The following MITF variants were observed in gnomAD, a reference collection of about 807,000 sequenced individuals.
MITF encodes the protein melanocyte inducing transcription factor.
Under a neutral mutation model 60.5 loss-of-function variants are expected in MITF, and 17 were observed. That is an observed-to-expected ratio of 0.28 (90% CI 0.19 to 0.42). MITF has a LOEUF of 0.42. Among genes scored for constraint, MITF ranks in the 10% least tolerant of loss-of-function variants. The pLI, the probability that MITF is intolerant of heterozygous loss-of-function variation, is 1.00. For missense variants in MITF, 622 were observed against 683.5 expected, an observed-to-expected ratio of 0.91 and a Z score of 1.00; for synonymous variants, 260 against 248.5, an observed-to-expected ratio of 1.05 and a Z score of -0.43.
chr3:69,910,090 T>C (rs1278697699), intron 2 of MITF, among the ~76,000 whole-genome samples: 1 of 152,158 alleles, frequency 6.6e-6, no homozygotes, highest in African/African-American at 2.4e-5. Flanking sequence ...CCCTGTGCTG[T>C]GTGCAGTCTA....
At chr3:69,791,784 T>A (rs1232917683) in intron 1 of MITF, among the ~76,000 whole-genome samples, 3 of 152,240 alleles carry the variant, frequency 2.0e-5, no homozygotes, top group Non-Finnish European at 4.4e-5. Context: ...TCCCTGTGTG[T>A]GCATTTAAGT....
intron 1 of MITF, among the ~76,000 whole-genome samples, chr3:69,855,489 T>C (rs1255253748): frequency 2.0e-5 from 3 of 152,092 alleles, no homozygotes; most frequent in Non-Finnish European, 4.4e-5. Flanking sequence ...TTTTGACCTC[T>C]GAAATGAAAA....
intron 5 of MITF, among the ~76,000 whole-genome samples, chr3:69,944,088 T>A (rs1361610129): frequency 6.6e-6 from 1 of 152,172 alleles, no homozygotes; most frequent in Admixed American, 6.5e-5. Context: ...AGCAAGACCC[T>A]GTTTTTAGAA....
intron 1 of MITF, among the ~76,000 whole-genome samples, chr3:69,748,236 TTTTC>T (rs1156429169): frequency 1.3e-5 from 2 of 152,134 alleles, no homozygotes; most frequent in Non-Finnish European, 2.9e-5. Context: ...AGAGTGATAA[TTTTC>T]TTTCTTTCTT....
chr3:69,955,086 T>G (rs1450393361), intron 7 of MITF, among the ~76,000 whole-genome samples: 6 of 152,188 alleles, frequency 3.9e-5, no homozygotes, highest in Non-Finnish European at 8.8e-5. Context: ...CTGAGATTTA[T>G]AAAATAGGAA....
chr3:69,913,640 C>G (rs897095670), intron 2 of MITF, among the ~76,000 whole-genome samples: 15 of 152,282 alleles, frequency 9.9e-5, no homozygotes, highest in Non-Finnish European at 1.9e-4. Flanking sequence ...GTGCAGTCTA[C>G]TCTTTTCAGA....
chr3:69,895,962 TC>T (rs1367211358), intron 2 of MITF, among the ~76,000 whole-genome samples: 8 of 151,666 alleles, frequency 5.3e-5, no homozygotes, highest in Non-Finnish European at 1.0e-4. Context: ...ACACCCCCCT[TC>T]CCCTATTTAC....
intron 1 of MITF, among the ~76,000 whole-genome samples, chr3:69,793,031 T>A (rs1176222833): frequency 3.1e-4 from 32 of 102,604 alleles, no homozygotes; most frequent in Non-Finnish European, 4.7e-4. Flanking sequence ...TTTTTTTTTT[T>A]AAACAGGGTC....
At chr3:69,767,282 T>C (rs1371167369) in intron 1 of MITF, among the ~76,000 whole-genome samples, 1 of 152,140 alleles carries the variant, frequency 6.6e-6, no homozygotes, top group African/African-American at 2.4e-5. Flanking sequence ...AGTATGATGC[T>C]AGGTCTGTAA....
chr3:69,796,717 A>T (rs2062837279), intron 1 of MITF, among the ~76,000 whole-genome samples: 2 of 150,234 alleles, frequency 1.3e-5, no homozygotes, highest in East Asian at 2.0e-4. Flanking sequence ...CTTGTTAGCC[A>T]GGATGGTCTC....
intron 1 of MITF, among the ~76,000 whole-genome samples, chr3:69,853,480 A>G (rs191876074): frequency 7.9e-5 from 12 of 152,098 alleles, no homozygotes; most frequent in South Asian, 4.1e-4. Flanking sequence ...TATATCATAC[A>G]TATAGAAAGC....
intron 2 of MITF, chr3:69,936,557 G>T: frequency 6.9e-7 from 1 of 1,458,152 alleles, no homozygotes. Context: ...ATTAGCTTAG[G>T]TTATTATAAG....
At chr3:69,782,299 A>G (rs2062578298) in intron 1 of MITF, among the ~76,000 whole-genome samples, 1 of 152,210 alleles carries the variant, frequency 6.6e-6, no homozygotes. Context: ...TTTGTTTATC[A>G]TCTCTATCAA....
intron 1 of MITF, among the ~76,000 whole-genome samples, chr3:69,769,936 A>C (rs901486902): frequency 1.3e-5 from 2 of 152,214 alleles, no homozygotes; most frequent in African/African-American, 4.8e-5. Flanking sequence ...AGACTAAAAA[A>C]TATTCTTTAT....
At chr3:69,931,043 T>C (rs887693288) in intron 2 of MITF, among the ~76,000 whole-genome samples, 7 of 152,244 alleles carry the variant, frequency 4.6e-5, no homozygotes, top group South Asian at 2.1e-4. Flanking sequence ...AAGAATATTT[T>C]ATGTGATTAT....
intron 2 of MITF, among the ~76,000 whole-genome samples, chr3:69,905,236 T>A (rs2065072104): frequency 6.6e-6 from 1 of 152,196 alleles, no homozygotes; most frequent in African/African-American, 2.4e-5. Context: ...TTTTGTAGTT[T>A]CTTGGGAGAG....
intron 1 of MITF, among the ~76,000 whole-genome samples, chr3:69,783,774 G>C (rs1013091829): frequency 6.6e-6 from 1 of 152,102 alleles, no homozygotes; most frequent in Admixed American, 6.5e-5. Context: ...ACCTGTGTCA[G>C]GGTCACCTGG....
At chr3:69,875,135 A>T (rs2064324223) in intron 1 of MITF, among the ~76,000 whole-genome samples, 1 of 152,212 alleles carries the variant, frequency 6.6e-6, no homozygotes, top group African/African-American at 2.4e-5. Context: ...ATTAAAGCTC[A>T]TGCAGCTCGG....
intron 1 of MITF, among the ~76,000 whole-genome samples, chr3:69,858,507 C>G (rs956917764): frequency 6.6e-6 from 1 of 151,950 alleles, no homozygotes; most frequent in South Asian, 2.1e-4. Context: ...TTTAAATACA[C>G]GACTTCCTGT....
Sources: allele counts gnomAD v4.1 joint callset (sites outside exome capture counted in the v4.1 genomes callset), GRCh38; gene constraint gnomAD v4.1.1; transcripts MANE v1.5; gene names NCBI Gene and HGNC (gene_info 2026-07-23, HGNC 2026-07-21).